HTR7: variants seen among roughly 807,000 people sequenced by gnomAD.
HTR7 encodes 5-hydroxytryptamine receptor 7.
Under a neutral mutation model 34.0 loss-of-function variants are expected in HTR7, and 16 were observed. The ratio of observed to expected loss-of-function variants is 0.47; its 90% confidence interval spans 0.32 to 0.71. The LOEUF is 0.71. Ranked by LOEUF, HTR7 falls within the 30% of genes least tolerant of loss-of-function variation. HTR7 has a pLI of 0.04. For synonymous variants in HTR7, 265 were observed against 260.2 expected, an observed-to-expected ratio of 1.02 and a Z score of -0.18; for missense variants, 504 against 625.5, an observed-to-expected ratio of 0.81 and a Z score of 2.07.
chr10:90,826,993 T>C (rs2120033789), intron 1 of HTR7, among the ~76,000 whole-genome samples: 1 of 151,804 alleles, frequency 6.6e-6, no homozygotes, highest in South Asian at 2.1e-4. Flanking sequence ...TACTGGGCTA[T>C]AAATTATTAT....
At chr10:90,811,221 C>T (rs991777219) in intron 1 of HTR7, among the ~76,000 whole-genome samples, 1 of 152,210 alleles carries the variant, frequency 6.6e-6, no homozygotes, top group Non-Finnish European at 1.5e-5. Context: ...TTTGTCCAAA[C>T]AACTTGACCT....
At position 90,749,545 on chromosome 10, in the gene HTR7, T is replaced by C. The variant is rs758646328; in HGVS notation, c.589A>G (p.Lys197Glu). ...PLTYPVRQNG[K>E]CMAKMILSVW... ...GAGAGAATCATCTTCGCCATGCATT[T>C]CCCATTCTGCCTCACAGGGTATGTG... is the stretch of plus-strand genomic sequence containing the variant. Residue 197 changes from lysine (K) to glutamate (E), a missense_variant, in exon 2 of 4, where the codon AAA becomes GAA. By Grantham distance (56) the Lys-to-Glu change is moderately conservative. This residue lies in a region of HTR7 where 154 missense variants were observed against 248.8 expected (regional missense o/e 0.62). Transcript: ENST00000336152. This position sits in a 1 kb window ranked among gnomAD's most constrained non-coding sequence, Gnocchi z 4.2. The C allele has an allele frequency of 8.7e-6, 14 of 1,613,950 alleles. No individual in the cohort carries two copies. The South Asian group carries it at 1.3e-4, about 15-fold the overall frequency.
chr10:90,840,612 G>A (rs951700769), intron 1 of HTR7, among the ~76,000 whole-genome samples: 1 of 152,114 alleles, frequency 6.6e-6, no homozygotes, highest in Non-Finnish European at 1.5e-5. Flanking sequence ...ATTTTTCTTA[G>A]AGACCTGACT....
rs1452971222 is a variant in HTR7, at chr10:90,749,265, T to C, written c.869A>G (p.Asn290Ser). 1 of 1,614,152 alleles carries C rather than the reference T, an allele frequency of 6.2e-7. No individual in the cohort carries two copies. Among genetic ancestry groups the C allele is most frequent in the Admixed American group, 1.7e-5 (1 of 60,014 alleles). The change falls in exon 2 of 4, where the codon AAT (asparagine) becomes AGT (serine). Residue 290 changes from asparagine (N) to serine (S), a missense_variant. Physicochemically the swap from Asn to Ser is conservative, Grantham distance 46 (BLOSUM62 1). Around this residue, in one of 4 missense-constraint regions of HTR7, gnomAD observed 57 missense variants for 47.5 expected, o/e 1.20. Transcript: ENST00000336152. The surrounding 1 kb of genome is among the most constrained non-coding windows in gnomAD (Gnocchi z 4.2). ...RVEPDSVIAL[N>S]GIVKLQKEVE... Reference sequence around the variant, plus strand: ...CTCCTTCTGGAGCTTCACTATGCCATTCAGGGCGATGACGCTGTCTGGCTC... The same window carrying C: ...CTCCTTCTGGAGCTTCACTATGCCACTCAGGGCGATGACGCTGTCTGGCTC...
intron 1 of HTR7, among the ~76,000 whole-genome samples, chr10:90,815,484 C>T (rs1845884516): frequency 6.6e-6 from 1 of 152,100 alleles, no homozygotes; most frequent in East Asian, 1.9e-4. Context: ...CTACCTAGTA[C>T]TATAAAACAG....
At chr10:90,822,072 G>T (rs557547914) in intron 1 of HTR7, among the ~76,000 whole-genome samples, 1 of 152,214 alleles carries the variant, frequency 6.6e-6, no homozygotes, top group East Asian at 1.9e-4. Context: ...TACCAGGAGT[G>T]GGGCATTGCT....
At chr10:90,844,544 T>C (rs1025291450) in intron 1 of HTR7, among the ~76,000 whole-genome samples, 1 of 150,482 alleles carries the variant, frequency 6.6e-6, no homozygotes, top group African/African-American at 2.4e-5. Context: ...GCTAACACAG[T>C]GAAACCCCGC....
intron 1 of HTR7, among the ~76,000 whole-genome samples, chr10:90,764,112 C>CTGT (rs1844981209): frequency 6.6e-6 from 1 of 152,138 alleles, no homozygotes; most frequent in Non-Finnish European, 1.5e-5. Flanking sequence ...ACAGGCTCAC[C>CTGT]AGAATCTATT....
chr10:90,787,617 T>C (rs1053501730), intron 1 of HTR7, among the ~76,000 whole-genome samples: 7 of 152,192 alleles, frequency 4.6e-5, no homozygotes, highest in African/African-American at 1.7e-4. Context: ...ATTTAACTCA[T>C]GTAATCCTCA....
chr10:90,831,478 C>T (rs966684691), intron 1 of HTR7, among the ~76,000 whole-genome samples: 2 of 152,122 alleles, frequency 1.3e-5, no homozygotes, highest in African/African-American at 4.8e-5. Context: ...TGTTACAGCT[C>T]ATAAAAGCAG....
intron 1 of HTR7, among the ~76,000 whole-genome samples, chr10:90,808,683 T>C (rs976711528): frequency 1.6e-4 from 24 of 152,118 alleles, no homozygotes; most frequent in African/African-American, 5.6e-4. Context: ...TCTCTGGGCT[T>C]GCTTCCTTCA....
At chr10:90,748,656 A>G (rs936195105) in intron 2 of HTR7, among the ~76,000 whole-genome samples, 183 bp downstream of exon 2, 1 of 152,084 alleles carries the variant, frequency 6.6e-6, no homozygotes, top group African/African-American at 2.4e-5. Flanking sequence ...CTAAGTACCT[A>G]TTTTTGGCTT....
chr10:90,829,505 T>G (rs374336327), intron 1 of HTR7, among the ~76,000 whole-genome samples: 1 of 152,114 alleles, frequency 6.6e-6, no homozygotes, highest in Admixed American at 6.6e-5. Context: ...AGTCTCCTAA[T>G]GCTATCCCTC....
chr10:90,758,559 G>A (rs1844876528), intron 1 of HTR7, among the ~76,000 whole-genome samples: 1 of 152,048 alleles, frequency 6.6e-6, no homozygotes, highest in Non-Finnish European at 1.5e-5. Context: ...CTAACAAGTA[G>A]GGGGGAAATT....
At chr10:90,814,086 T>C in intron 1 of HTR7, among the ~76,000 whole-genome samples, 1 of 152,238 alleles carries the variant, frequency 6.6e-6, no homozygotes, top group East Asian at 1.9e-4. Context: ...TGTGACCACT[T>C]AATTGATTTC....
intron 1 of HTR7, among the ~76,000 whole-genome samples, chr10:90,837,008 G>A (rs1227290868): frequency 1.3e-5 from 2 of 152,150 alleles, no homozygotes; most frequent in African/African-American, 4.8e-5. Flanking sequence ...CTCAGTCCCA[G>A]GTCTTACCCA....
chr10:90,806,103 A>G (rs1036990340), intron 1 of HTR7, among the ~76,000 whole-genome samples: 4 of 152,230 alleles, frequency 2.6e-5, no homozygotes, highest in African/African-American at 7.2e-5. Flanking sequence ...TAAAGGTTAT[A>G]AATAACATGA....
chr10:90,759,682 A>C (rs1247376229), intron 1 of HTR7, among the ~76,000 whole-genome samples: 1 of 151,358 alleles, frequency 6.6e-6, no homozygotes, highest in Non-Finnish European at 1.5e-5. Flanking sequence ...AAAAAAAAAA[A>C]AAACCAGGGA....
intron 1 of HTR7, among the ~76,000 whole-genome samples, chr10:90,762,488 T>A (rs12255907): frequency 6.6e-6 from 1 of 152,134 alleles, no homozygotes; most frequent in Non-Finnish European, 1.5e-5. Context: ...ATTATATGGG[T>A]TTTTGTTGTT....
Sources: gnomAD v4.1 joint callset for allele counts (sites outside exome capture counted in the v4.1 genomes callset) on GRCh38, gnomAD v4.1.1 for gene constraint, gnomAD v4.1.1 regional missense constraint, Gnocchi (gnomAD v3.1) non-coding constraint, MANE v1.5 for transcripts, NCBI Gene and HGNC (gene_info 2026-07-23, HGNC 2026-07-21) for gene names.